Variants in OCA2 observed in about 807,000 individuals in gnomAD.
The protein encoded by OCA2 is P protein.
A neutral mutation model predicts 100.2 loss-of-function variants in OCA2; 77 were observed. The ratio of observed to expected loss-of-function variants is 0.77; its 90% CI spans 0.64 to 0.93. OCA2 has a LOEUF of 0.93. Ranked by LOEUF, OCA2 falls within the 40% of genes least tolerant of loss-of-function variation. OCA2 has a pLI of 0.00. For missense variants in OCA2, 1,062 were observed against 1,089.1 expected, an observed-to-expected ratio of 0.98 and a Z score of 0.35; for synonymous variants, 432 against 439.2, an observed-to-expected ratio of 0.98 and a Z score of 0.21.
intron 1 of OCA2, among the ~76,000 whole-genome samples, chr15:28,095,794 A>C (rs1377150646): frequency 1.3e-5 from 2 of 151,998 alleles, no homozygotes; most frequent in Non-Finnish European, 2.9e-5. Context: ...GAGAAGCACC[A>C]GGTTTAGGCG....
intron 14 of OCA2, among the ~76,000 whole-genome samples, chr15:27,970,574 C>T (rs1167768735): frequency 1.3e-5 from 2 of 151,382 alleles, no homozygotes; most frequent in African/African-American, 4.9e-5. Flanking sequence ...GATGGGAAAA[C>T]ATGAAGAATG....
At chr15:27,986,341 G>A (rs2041350392) in intron 12 of OCA2, among the ~76,000 whole-genome samples, 2 of 152,214 alleles carry the variant, frequency 1.3e-5, no homozygotes, top group East Asian at 1.9e-4. Context: ...AATACACAAC[G>A]ATTCAACCTG....
In OCA2 at chr15:27,968,384, C is replaced by T. The variant is rs542709533; in HGVS notation, c.1504-1562G>A. ...AGGGTGGGAGGGACCACGGGCAGTC[C>T]AGCTCTGCCTTGGGACCCTTAGGAA... On this transcript the variant is annotated intron_variant, in intron 14 of 23. Transcript: ENST00000354638. Among the ~76,000 whole-genome samples the T allele has an allele frequency of 2.0e-5, 3 of 152,290 alleles. No individual in the cohort carries two copies. The East Asian group carries it at 5.8e-4, about 29-fold the overall frequency.
At chr15:27,827,317 G>T (rs180960515) in intron 23 of OCA2, among the ~76,000 whole-genome samples, 24 of 152,298 alleles carry the variant, frequency 1.6e-4, no homozygotes, top group African/African-American at 5.8e-4. Context: ...AAGCTGAACG[G>T]CAAGCACCAT....
chr15:28,081,713 C>T lies in OCA2; in HGVS notation c.162G>A (p.Gly54=), dbSNP rs1391198560. 77 of 1,613,782 alleles carry T rather than the reference C, an allele frequency of 4.8e-5. No individual in the cohort carries two copies. Among genetic ancestry groups the T allele is most frequent in the Non-Finnish European group, 6.2e-5 (73 of 1,179,940 alleles). Residue 54 remains glycine (G), a synonymous_variant, in exon 2 of 24, where the codon GGG becomes GGA. Transcript: ENST00000354638. ...GADPSHSCPR[G]AAGQSSWAPA... ...GAGCCCAAGAGCTCTGCCCGGCAGC[C>T]CCCCTGGGGCAGGAGTGCGAGGGGT...
At chr15:27,827,978 C>CTATAT (rs546671927) in intron 23 of OCA2, among the ~76,000 whole-genome samples, 153 of 152,194 alleles carry the variant, frequency 1.0e-3, no homozygotes, top group African/African-American at 3.7e-3. Context: ...ATGGTAAATT[C>CTATAT]TATAATTATA....
chr15:27,787,260 C>T (rs1441146158), intron 23 of OCA2, among the ~76,000 whole-genome samples: 1 of 152,012 alleles, frequency 6.6e-6, no homozygotes, highest in African/African-American at 2.4e-5. Context: ...ATGTTAATAG[C>T]CTTGCCTGCC....
intron 21 of OCA2, among the ~76,000 whole-genome samples, chr15:27,866,310 G>A (rs1295156397): frequency 6.6e-6 from 1 of 152,198 alleles, no homozygotes; most frequent in Non-Finnish European, 1.5e-5. Context: ...CTGAAGAGGT[G>A]GCACCACATC....
chr15:28,058,389 C>T (rs1440871103), intron 2 of OCA2, among the ~76,000 whole-genome samples: 1 of 152,190 alleles, frequency 6.6e-6, no homozygotes, highest in African/African-American at 2.4e-5. Context: ...CCGATTTTTT[C>T]TGAGCGCTCC....
At chr15:27,849,104 C>G (rs566776033) in intron 22 of OCA2, among the ~76,000 whole-genome samples, 9 of 152,058 alleles carry the variant, frequency 5.9e-5, no homozygotes, top group African/African-American at 2.2e-4. Context: ...CACGTGCTGC[C>G]TGGATTGATC....
rs534627458 is a variant in OCA2, at chr15:27,824,723, C to A, written c.2432+20236G>T. ...CCGGCCAGCTGCTAGCTCTGCTCTG[C>A]ACGCAGCACACTCGCCTAAAAGGCA... On this transcript the variant is annotated intron_variant, in intron 23 of 23. Coordinates refer to ENST00000354638, the MANE Select transcript of OCA2 (RefSeq NM_000275.3). Among the ~76,000 whole-genome samples the A allele has an allele frequency of 1.7e-4, 26 of 151,080 alleles. 1 individual carries two copies. The highest frequency in any genetic ancestry group is 6.3e-4 in the African/African-American group (26 of 41,002).
chr15:27,855,702 C>T (rs1223639548), intron 21 of OCA2, among the ~76,000 whole-genome samples: 1 of 152,214 alleles, frequency 6.6e-6, no homozygotes, highest in Non-Finnish European at 1.5e-5. Context: ...CATTTTGTGT[C>T]TGGTTCTGCT....
In OCA2 at chr15:28,081,790, C is replaced by T. The variant is rs759291231; in HGVS notation, c.85G>A (p.Ala29Thr). Residue 29 changes from alanine (A) to threonine (T), a missense_variant, in exon 2 of 24, where the codon GCT becomes ACT. Physicochemically the swap from Ala to Thr is moderately conservative, Grantham distance 58 (BLOSUM62 0). Transcript: ENST00000354638. ...CTGCGCTTGCCGGCCACAAGTTCAG[C>T]GAGTCCGCTGGGCACGGACGTCTGC... The part of the protein sequence containing the change: ...LLQTSVPSGL[A>T]ELVAGKRRLP... 6.6e-5 allele frequency: 107 copies of T among 1,612,840 alleles called. No homozygotes were observed. Among genetic ancestry groups the T allele is most frequent in the African/African-American group, 9.3e-5 (7 of 74,942 alleles).
chr15:27,878,908 A>G (rs567612665), intron 19 of OCA2, among the ~76,000 whole-genome samples: 3 of 152,200 alleles, frequency 2.0e-5, no homozygotes, highest in African/African-American at 4.8e-5. Flanking sequence ...GGTTTATTAC[A>G]TAGGTAAATG....
At chr15:28,034,171 A>G (rs945414367) in intron 2 of OCA2, among the ~76,000 whole-genome samples, 3 of 152,050 alleles carry the variant, frequency 2.0e-5, no homozygotes, top group Non-Finnish European at 2.9e-5. Flanking sequence ...GCACACTTGT[A>G]GTCCTAACTA....
At chr15:27,960,560 T>C (rs2040373526) in intron 15 of OCA2, among the ~76,000 whole-genome samples, 1 of 152,172 alleles carries the variant, frequency 6.6e-6, no homozygotes, top group Non-Finnish European at 1.5e-5. Context: ...GCTATAAACC[T>C]GCCCCTGCTT....
chr15:27,835,874 G>A (rs1301367536), intron 23 of OCA2, among the ~76,000 whole-genome samples: 1 of 152,208 alleles, frequency 6.6e-6, no homozygotes, highest in Non-Finnish European at 1.5e-5. Flanking sequence ...AGGTTGTGGG[G>A]CATTGCTTCC....
chr15:27,926,076 A>C, intron 19 of OCA2, 51 bp downstream of exon 19: 1 of 1,602,376 alleles, frequency 6.2e-7, no homozygotes, highest in Non-Finnish European at 8.5e-7. Flanking sequence ...ATAAAACATG[A>C]AATACAAAAA....
At chr15:28,003,596 A>G (rs116598101) in intron 9 of OCA2, among the ~76,000 whole-genome samples, 4,715 of 152,278 alleles carry the variant, frequency 0.031, 271 homozygotes, top group African/African-American at 0.11. Flanking sequence ...GCTGCGGGGA[A>G]CGACGGGAAA....
Sources: allele counts gnomAD v4.1 joint callset (sites outside exome capture counted in the v4.1 genomes callset), GRCh38; gene constraint gnomAD v4.1.1; transcripts MANE v1.5; gene names NCBI Gene and HGNC (gene_info 2026-07-23, HGNC 2026-07-21).